The following RPA3 variants were observed in gnomAD, a reference collection of about 807,000 sequenced individuals.
RPA3 encodes replication protein A3.
A neutral mutation model predicts 13.7 loss-of-function variants in RPA3; 24 were observed. The observed-to-expected ratio is 1.75, with a 90% CI of 1.27 to 2.46. The LOEUF is 2.46. RPA3 is among the 30% of genes most tolerant of loss of function. The pLI is 0.00. For synonymous variants in RPA3, 59 were observed against 51.2 expected, an observed-to-expected ratio of 1.15 and a Z score of -0.65; for missense variants, 183 against 151.0, an observed-to-expected ratio of 1.21 and a Z score of -1.11.
chr7:7,717,372 C>G (rs1377074945), intron 1 of RPA3, among the ~76,000 whole-genome samples: 2 of 152,120 alleles, frequency 1.3e-5, no homozygotes, highest in Admixed American at 1.3e-4. Context: ...TTTCTTTCAT[C>G]TATTAAAACT....
intron 4 of RPA3, among the ~76,000 whole-genome samples, chr7:7,665,957 A>G (rs564393559): frequency 2.0e-5 from 3 of 151,450 alleles, no homozygotes; most frequent in Non-Finnish European, 4.4e-5. Flanking sequence ...GGTTGTTTCC[A>G]TTTTTTGGTT....
At chr7:7,640,225 C>G (rs1276809276) in intron 5 of RPA3, 95 bp downstream of exon 5, 1 of 1,311,122 alleles carries the variant, frequency 7.6e-7, no homozygotes, top group Non-Finnish European at 1.1e-6. Context: ...GCGCAGTGAT[C>G]GGAGGCTTTC....
chr7:7,665,310 T>C (rs1779414460), intron 4 of RPA3, among the ~76,000 whole-genome samples: 1 of 152,232 alleles, frequency 6.6e-6, no homozygotes, highest in South Asian at 2.1e-4. Flanking sequence ...AGGCAGGCCC[T>C]TTTATACGCA....
At chr7:7,647,526 C>G (rs766603324) in intron 4 of RPA3, among the ~76,000 whole-genome samples, 17 of 152,182 alleles carry the variant, frequency 1.1e-4, no homozygotes, top group African/African-American at 3.6e-4. Flanking sequence ...CTTAATATCT[C>G]AATTATCGAT....
intron 2 of RPA3, among the ~76,000 whole-genome samples, chr7:7,697,114 T>C (rs573715976): frequency 3.3e-5 from 5 of 152,298 alleles, no homozygotes; most frequent in African/African-American, 9.6e-5. Context: ...ATTGTTTTGC[T>C]TTTCTTTTTA....
chr7:7,696,316 C>T (rs1780316041), intron 2 of RPA3, among the ~76,000 whole-genome samples: 1 of 150,930 alleles, frequency 6.6e-6, no homozygotes, highest in African/African-American at 2.4e-5. Flanking sequence ...AAAAAAACAC[C>T]CCAAAACAAA....
intron 4 of RPA3, among the ~76,000 whole-genome samples, chr7:7,677,618 T>C (rs1013301444): frequency 1.3e-5 from 2 of 152,026 alleles, no homozygotes; most frequent in Admixed American, 1.3e-4. Flanking sequence ...TAGTATTCCA[T>C]TGTGTATATG....
intron 2 of RPA3, among the ~76,000 whole-genome samples, chr7:7,710,334 A>T (rs1379862469): frequency 1.3e-5 from 2 of 152,180 alleles, no homozygotes; most frequent in Non-Finnish European, 2.9e-5. Flanking sequence ...AGTCCCTAGA[A>T]TAAGTACTTG....
intron 2 of RPA3, among the ~76,000 whole-genome samples, chr7:7,705,986 T>C (rs1015427795): frequency 2.0e-5 from 3 of 152,170 alleles, no homozygotes; most frequent in African/African-American, 7.2e-5. Context: ...AAAAGGTATG[T>C]GTACTCTATA....
intron 4 of RPA3, among the ~76,000 whole-genome samples, chr7:7,677,658 T>TGATGGAGACACTTAGGTTGA (rs1563112336): frequency 3.2e-5 from 1 of 31,134 alleles, no homozygotes; most frequent in African/African-American, 6.5e-5. Context: ...ATTCATCTGT[T>TGATGGAGACACTTAGGTTGA]TTTTTGTTTT....
At chr7:7,640,195 G>T in intron 5 of RPA3, 125 bp downstream of exon 5, 2 of 1,029,144 alleles carry the variant, frequency 1.9e-6, no homozygotes, top group Non-Finnish European at 3.0e-6. Context: ...AGTTCCTTGT[G>T]CAAAATAAAG....
chr7:7,697,270 T>A (rs1221841321), intron 2 of RPA3, among the ~76,000 whole-genome samples: 1 of 152,232 alleles, frequency 6.6e-6, no homozygotes, highest in Non-Finnish European at 1.5e-5. Context: ...AATGATATCT[T>A]CTATCTAATT....
At chr7:7,638,135 G>C (rs970927241) in intron 6 of RPA3, 163 bp from the exon 7 acceptor site, 15 of 484,744 alleles carry the variant, frequency 3.1e-5, no homozygotes, top group Admixed American at 3.5e-5. Context: ...ACAAATGTTT[G>C]AGTACTTAAC....
intron 4 of RPA3, among the ~76,000 whole-genome samples, chr7:7,654,835 A>G (rs1295972088): frequency 6.6e-6 from 1 of 151,554 alleles, no homozygotes; most frequent in African/African-American, 2.4e-5. Context: ...ACCTGGAGGC[A>G]GAGATTGCAG....
chr7:7,673,416 A>G (rs1314205414), intron 4 of RPA3: 2 of 1,042,398 alleles, frequency 1.9e-6, no homozygotes, highest in African/African-American at 3.1e-5. Context: ...AAAAGCCCTC[A>G]GTACCAGAGA....
intron 2 of RPA3, among the ~76,000 whole-genome samples, chr7:7,701,146 A>G (rs997602224): frequency 6.6e-6 from 1 of 152,198 alleles, no homozygotes; most frequent in African/African-American, 2.4e-5. Flanking sequence ...TTTAATAAAC[A>G]TGTTCTGTAT....
chr7:7,680,906 T>C (rs1486632346), intron 4 of RPA3, among the ~76,000 whole-genome samples: 7 of 152,310 alleles, frequency 4.6e-5, no homozygotes, highest in Non-Finnish European at 1.5e-5. Context: ...GCCGTAACCT[T>C]ACTGAATTTA....
intron 4 of RPA3, among the ~76,000 whole-genome samples, chr7:7,657,897 T>C (rs2115085232): frequency 6.6e-6 from 1 of 152,352 alleles, no homozygotes; most frequent in Middle Eastern, 3.4e-3. Flanking sequence ...GTAAATTACT[T>C]TGGGCAGTAT....
chr7:7,697,757 A>G (rs1405750853), intron 2 of RPA3, among the ~76,000 whole-genome samples: 1 of 152,186 alleles, frequency 6.6e-6, no homozygotes, highest in Admixed American at 6.5e-5. Flanking sequence ...TATGAGATTT[A>G]CTGTATTTTT....
Sources: allele counts gnomAD v4.1 joint callset (sites outside exome capture counted in the v4.1 genomes callset), GRCh38; gene constraint gnomAD v4.1.1; transcripts MANE v1.5; gene names NCBI Gene and HGNC (gene_info 2026-07-23, HGNC 2026-07-21).